DIAPH3: variants seen among roughly 807,000 people sequenced by gnomAD.
The protein encoded by DIAPH3 is diaphanous related formin 3, also known as protein diaphanous homolog 3.
Under a neutral mutation model 144.3 loss-of-function variants are expected in DIAPH3, and 117 were observed. That is an observed-to-expected ratio of 0.81 (90% CI 0.70 to 0.95). DIAPH3 has a LOEUF of 0.95. Ranked by LOEUF, DIAPH3 falls within the 40% of genes least tolerant of loss-of-function variation. The pLI, the probability that DIAPH3 is intolerant of heterozygous loss-of-function variation, is 0.00. For synonymous variants in DIAPH3, 519 were observed against 488.9 expected, an observed-to-expected ratio of 1.06 and a Z score of -0.81; for missense variants, 1,421 against 1,412.7, an observed-to-expected ratio of 1.01 and a Z score of -0.09.
chr13:59,684,370 C>T (rs1018066256), intron 27 of DIAPH3, among the ~76,000 whole-genome samples: 6 of 152,136 alleles, frequency 3.9e-5, no homozygotes, highest in African/African-American at 1.4e-4. Flanking sequence ...GCAAACGGTA[C>T]ATTTGTGACA....
chr13:59,846,222 AC>A (rs1167780638), intron 22 of DIAPH3, among the ~76,000 whole-genome samples: 1 of 138,476 alleles, frequency 7.2e-6, no homozygotes, highest in African/African-American at 2.5e-5. Context: ...AGGAGAGGTT[AC>A]ATAATCTTTG....
chr13:60,009,461 T>TA (rs755078680), intron 8 of DIAPH3, among the ~76,000 whole-genome samples: 6 of 151,830 alleles, frequency 4.0e-5, no homozygotes, highest in Non-Finnish European at 8.8e-5. Context: ...AAGACAGAAT[T>TA]AAAAAATGAT....
At position 59,991,081 on chromosome 13, in the gene DIAPH3, G is replaced by A. The variant is rs545584929; in HGVS notation, c.1361+77C>T. On this transcript the variant is annotated intron_variant, in intron 12 of 27. Coordinates refer to ENST00000400324, the MANE Select transcript of DIAPH3 (RefSeq NM_001042517.2). ...AAATAAAAATCATTTGCTTGTCAAAGGCAAATATGATGTGAATTTCACAAT... is the reference window on the plus strand; with the variant it reads ...AAATAAAAATCATTTGCTTGTCAAAAGCAAATATGATGTGAATTTCACAAT... The A allele has an allele frequency of 1.1e-5, 10 of 925,356 alleles. No individual in the cohort carries two copies. In the East Asian group the frequency reaches 1.8e-4, roughly 17 times the overall value. 57.3% of individuals were successfully genotyped at this position (925,356 alleles called of 1,614,324 possible).
chr13:60,123,168 C>G (rs1384179528), intron 2 of DIAPH3, among the ~76,000 whole-genome samples: 2 of 152,138 alleles, frequency 1.3e-5, no homozygotes, highest in African/African-American at 4.8e-5. Flanking sequence ...TCCAACCTGT[C>G]CTTCAAAACT....
intron 2 of DIAPH3, 112 bp downstream of exon 2, chr13:60,132,845 G>A (rs374030235): frequency 4.6e-5 from 40 of 867,938 alleles, no homozygotes; most frequent in Middle Eastern, 4.4e-4. Flanking sequence ...AGAATAGTAC[G>A]TTTCCAATAT....
At chr13:60,098,426 T>C (rs1422377836) in intron 3 of DIAPH3, among the ~76,000 whole-genome samples, 1 of 151,984 alleles carries the variant, frequency 6.6e-6, no homozygotes, top group Non-Finnish European at 1.5e-5. Context: ...GAAAGGGGCA[T>C]CTATAAGCTA....
chr13:59,702,102 C>T (rs905022527), intron 27 of DIAPH3, among the ~76,000 whole-genome samples: 1 of 152,214 alleles, frequency 6.6e-6, no homozygotes, highest in South Asian at 2.1e-4. Context: ...CCAACCTCAA[C>T]GAATAAAGAT....
rs1231905039 is a variant in DIAPH3, at chr13:59,764,679, TG to T, written c.3319+9509del. ...AAGGACACATGGGGAGAACACCATGTGATGATGGAGACATACACTGGAGTGA... is the reference window on the plus strand; with the variant it reads ...AAGGACACATGGGGAGAACACCATGTATGATGGAGACATACACTGGAGTGA... On this transcript the variant is annotated intron_variant, in intron 27 of 27. Transcript: ENST00000400324. 2.0e-5 allele frequency among the ~76,000 whole-genome samples: 3 copies of T among 150,532 alleles called. No homozygotes were observed. In the East Asian group the frequency reaches 5.9e-4, roughly 29 times the overall value.
intron 20 of DIAPH3, among the ~76,000 whole-genome samples, chr13:59,909,504 A>G (rs1429705036): frequency 6.6e-6 from 1 of 152,174 alleles, no homozygotes; most frequent in Non-Finnish European, 1.5e-5. Flanking sequence ...ACTATTTGAC[A>G]AAAAATAAAA....
At chr13:59,839,251 A>T (rs1301994067) in intron 23 of DIAPH3, 73 bp downstream of exon 23, 2 of 1,575,932 alleles carry the variant, frequency 1.3e-6, no homozygotes, top group African/African-American at 2.7e-5. Context: ...TTACACAAAG[A>T]CATCTAAAAT....
intron 27 of DIAPH3, chr13:59,696,240 T>G (rs759083084): frequency 1.3e-5 from 2 of 152,208 alleles, no homozygotes; most frequent in Admixed American, 6.5e-5. Context: ...CAATCACTTT[T>G]TAGAAATAGC....
rs905234394 is a variant in DIAPH3 at position 59,675,101 on chromosome 13, G to A, written c.3320-8255C>T. Among the ~76,000 whole-genome samples, 4 of 152,182 alleles carry A rather than the reference G, an allele frequency of 2.6e-5. No homozygotes were observed. The East Asian group carries it at 5.8e-4, about 22-fold the overall frequency. ...TTTAGAGACAGGGTCTTGCTCTGTC[G>A]CTTGCTCAGGCTGGAATGCGATGGT... On this transcript the variant is annotated intron_variant, in intron 27 of 27. Coordinates refer to ENST00000400324, the MANE Select transcript of DIAPH3 (RefSeq NM_001042517.2).
chr13:60,067,891 A>G (rs985389982), intron 4 of DIAPH3, among the ~76,000 whole-genome samples: 3 of 152,170 alleles, frequency 2.0e-5, no homozygotes, highest in Non-Finnish European at 4.4e-5. Flanking sequence ...TAATCCCTAC[A>G]GATAAAATCC....
intron 24 of DIAPH3, among the ~76,000 whole-genome samples, chr13:59,819,207 T>A (rs1178724067): frequency 5.3e-5 from 8 of 152,054 alleles, no homozygotes; most frequent in Middle Eastern, 3.4e-3. Context: ...AACTTTAATT[T>A]GCTTTTGTCA....
At chr13:59,740,205 A>G (rs898912778) in intron 27 of DIAPH3, among the ~76,000 whole-genome samples, 1 of 152,198 alleles carries the variant, frequency 6.6e-6, no homozygotes, top group African/African-American at 2.4e-5. Context: ...TTAAAAATAT[A>G]CCCCATGTAA....
intron 24 of DIAPH3, among the ~76,000 whole-genome samples, chr13:59,819,947 T>A (rs1021429416): frequency 6.6e-6 from 1 of 151,896 alleles, no homozygotes; most frequent in Non-Finnish European, 1.5e-5. Context: ...ACAAGGATAT[T>A]TTAAGAAATA....
chr13:59,762,050 A>ACCTTTTTTTTTTTTTTTTT (rs1389648314), intron 27 of DIAPH3, among the ~76,000 whole-genome samples: 1 of 118,990 alleles, frequency 8.4e-6, no homozygotes, highest in African/African-American at 3.0e-5. Context: ...AAGCGTCAGC[A>ACCTTTTTTTTTTTTTTTTT]TCTTTTTTTT....
chr13:60,131,648 C>CA (rs2059145806), intron 2 of DIAPH3, among the ~76,000 whole-genome samples: 1 of 151,882 alleles, frequency 6.6e-6, no homozygotes, highest in South Asian at 2.1e-4. Flanking sequence ...TGAGGGAAAA[C>CA]AGAGAGGGAT....
At chr13:60,141,826 T>A (rs1029819303) in intron 1 of DIAPH3, among the ~76,000 whole-genome samples, 1 of 152,218 alleles carries the variant, frequency 6.6e-6, no homozygotes, top group African/African-American at 2.4e-5. Flanking sequence ...AAATAAAAAG[T>A]AGCATAAGCC....
Sources: gnomAD v4.1 joint callset for allele counts (sites outside exome capture counted in the v4.1 genomes callset) on GRCh38, gnomAD v4.1.1 for gene constraint, MANE v1.5 for transcripts, NCBI Gene and HGNC (gene_info 2026-07-23, HGNC 2026-07-21) for gene names.